The following MYO9B variants were observed in gnomAD, a reference collection of about 807,000 sequenced individuals.
MYO9B encodes the protein myosin IXB, also known as unconventional myosin-IXb.
Under a neutral mutation model 229.5 loss-of-function variants are expected in MYO9B, and 71 were observed. That is an observed-to-expected ratio of 0.31 (90% CI 0.26 to 0.38). The LOEUF is 0.38. Among genes scored for constraint, MYO9B ranks in the 10% least tolerant of loss-of-function variants. The pLI, the probability that MYO9B is intolerant of heterozygous loss-of-function variation, is 1.00. For synonymous variants in MYO9B, 1,185 were observed against 1,235.8 expected (o/e 0.96, Z 0.86); for missense variants, 2,255 against 2,920.5 (o/e 0.77, Z 5.25).
At chr19:17,094,270 G>C (rs976833198) in intron 1 of MYO9B, among the ~76,000 whole-genome samples, 2 of 147,380 alleles carry the variant, frequency 1.4e-5, no homozygotes, top group South Asian at 4.3e-4. Flanking sequence ...CCCAACCTCA[G>C]GTGATCTGCC....
intron 16 of MYO9B, chr19:17,184,455 C>T (rs2072894891): frequency 5.5e-6 from 1 of 180,478 alleles, no homozygotes; most frequent in Non-Finnish European, 1.2e-5. Context: ...CTGGCTGACA[C>T]ATGATGGTGG....
At chr19:17,188,394 A>T (rs1334434171) in intron 19 of MYO9B, among the ~76,000 whole-genome samples, 42 of 140,200 alleles carry the variant, frequency 3.0e-4, no homozygotes. Flanking sequence ...GAGCCACTGC[A>T]CTCCAGCCTG....
At position 17,212,205 on chromosome 19, in the gene MYO9B, C is replaced by T. The variant is rs2073239395; in HGVS notation, c.6369C>T (p.Ala2123=). Residue 2123 remains alanine (A), a synonymous_variant, in exon 40 of 40, where the codon GCC becomes GCT. Transcript: ENST00000682292. The surrounding 1 kb of genome is among the most constrained non-coding windows in gnomAD (Gnocchi z 5.4). ...GGGCAGACCTGCCAGTGCAGGGCGC[C>T]CTGGAGCCCCTAGAAGAGGATGGCC... ...TPGADLPVQG[A]LEPLEEDGQP... is the part of the protein sequence containing the mutation. 5 of 1,583,034 alleles carry T rather than the reference C, an allele frequency of 3.2e-6. No homozygotes were observed. The highest frequency in any genetic ancestry group is 2.3e-5 in the East Asian group (1 of 42,970).
Position 17,182,019 on chromosome 19 carries a change from C to G in MYO9B, c.2333+979C>G, listed in dbSNP as rs541603756. Among the ~76,000 whole-genome samples the G allele has an allele frequency of 8.0e-4, 121 of 151,556 alleles. 1 individual carries two copies. The highest frequency in any genetic ancestry group is 7.1e-3 in the South Asian group (34 of 4,804). On this transcript the variant is annotated intron_variant, in intron 15 of 39. Coordinates refer to ENST00000682292, the MANE Select transcript of MYO9B (RefSeq NM_004145.4). ...CTTGAACTCTTGACCTCAGGTGATC[C>G]GTCTGTCTTGGCCTCCCAAAGTGCT...
In MYO9B at chr19:17,101,600, C is replaced by T. The variant is rs3745348; in HGVS notation, c.-58-60C>T. 451,426 of 1,407,862 alleles carry T rather than the reference C, an allele frequency of 0.32. 75,986 individuals carry two copies. Among genetic ancestry groups the T allele is most frequent in the African/African-American group, 0.51 (35,449 of 69,024 alleles). The allele number at this position is 1,407,862 out of a possible 1,614,324, so 87.2% of individuals were successfully genotyped here. Reference sequence around the variant, plus strand: ...CTATCTGCCCAGGAGTGGGACTCCACATGCCCCTTAAACTTCCTCCCACCA... The same window carrying T: ...CTATCTGCCCAGGAGTGGGACTCCATATGCCCCTTAAACTTCCTCCCACCA... On this transcript the variant is annotated intron_variant, in intron 1 of 39. Coordinates refer to ENST00000682292, the MANE Select transcript of MYO9B (RefSeq NM_004145.4). The surrounding 1 kb of genome is among the most constrained non-coding windows in gnomAD (Gnocchi z 4.7).
intron 24 of MYO9B, among the ~76,000 whole-genome samples, chr19:17,199,486 A>G (rs1361367045): frequency 2.0e-5 from 3 of 151,942 alleles, no homozygotes; most frequent in Non-Finnish European, 4.4e-5. Flanking sequence ...GCTCTTTATA[A>G]GATAATCCTG....
At chr19:17,185,533 C>G (rs1468680446) in intron 17 of MYO9B, among the ~76,000 whole-genome samples, 2 of 143,176 alleles carry the variant, frequency 1.4e-5, no homozygotes, top group Non-Finnish European at 3.0e-5. Context: ...GCAACAAGAG[C>G]AAGACTGCGT....
chr19:17,098,050 C>G (rs1014965533), intron 1 of MYO9B, among the ~76,000 whole-genome samples: 5 of 150,530 alleles, frequency 3.3e-5, no homozygotes, highest in South Asian at 2.1e-4. Context: ...TCAGAACCCC[C>G]CCCCCCCACC....
At chr19:17,167,158 T>C (rs927881667) in intron 10 of MYO9B, among the ~76,000 whole-genome samples, 12 of 151,928 alleles carry the variant, frequency 7.9e-5, no homozygotes, top group African/African-American at 2.9e-4. Flanking sequence ...ATGAGCGTTG[T>C]CTTTGAGCAT....
chr19:17,101,998 G>A lies in MYO9B; in HGVS notation c.281G>A (p.Arg94Gln), dbSNP rs575789959. The change falls in exon 2 of 40, where the codon CGG (arginine) becomes CAG (glutamine). Residue 94 changes from arginine to glutamine, a missense_variant. Physicochemically the swap from Arg to Gln is conservative, Grantham distance 43. Coordinates refer to ENST00000682292, the MANE Select transcript of MYO9B (RefSeq NM_004145.4). This position sits in a 1 kb window ranked among gnomAD's most constrained non-coding sequence, Gnocchi z 4.7. ...PVHRVLLWPR[R>Q]AQDEHPQEDG... ...CACCGGGTGCTGCTATGGCCCCGGCGGGCACAGGACGAGCACCCTCAGGAG... is the reference window on the plus strand; with the variant it reads ...CACCGGGTGCTGCTATGGCCCCGGCAGGCACAGGACGAGCACCCTCAGGAG... The A allele has an allele frequency of 1.3e-4, 208 of 1,612,978 alleles. 1 individual carries two copies. The South Asian group carries it at 1.7e-3, about 13-fold the overall frequency.
In MYO9B at chr19:17,195,604, G is replaced by T. The variant is rs2073034538; in HGVS notation, c.4046+131G>T. 6 of 1,205,680 alleles carry T rather than the reference G, an allele frequency of 5.0e-6. No homozygotes were observed. The highest frequency in any genetic ancestry group is 6.9e-6 in the Non-Finnish European group (6 of 870,788). 74.7% of individuals were successfully genotyped at this position (1,205,680 alleles called of 1,614,324 possible). On this transcript the variant is annotated intron_variant, in intron 22 of 39. Transcript: ENST00000682292. The surrounding 1 kb of genome is among the most constrained non-coding windows in gnomAD (Gnocchi z 4.5). ...TGGGTGTGCGGGAGGCCTGAGGGAGGAGGACGAGCAGGACATGCTAAAGAC... is the reference window on the plus strand; with the variant it reads ...TGGGTGTGCGGGAGGCCTGAGGGAGTAGGACGAGCAGGACATGCTAAAGAC...
intron 2 of MYO9B, among the ~76,000 whole-genome samples, chr19:17,123,926 C>T (rs951214808): frequency 2.0e-5 from 3 of 152,068 alleles, no homozygotes; most frequent in Non-Finnish European, 4.4e-5. Context: ...CACTTTGTCA[C>T]CCAGGCTGGA....
chr19:17,191,626 AC>A (rs2072986425), intron 20 of MYO9B, among the ~76,000 whole-genome samples: 1 of 151,872 alleles, frequency 6.6e-6, no homozygotes, highest in Admixed American at 6.6e-5. Flanking sequence ...TTACTCAGCC[AC>A]CCTTGTTTAA....
chr19:17,118,762 C>T (rs980184972), intron 2 of MYO9B, among the ~76,000 whole-genome samples: 78 of 152,292 alleles, frequency 5.1e-4, no homozygotes, highest in East Asian at 1.9e-4. Flanking sequence ...CCTGGGATCA[C>T]AGGCGTGAGC....
intron 2 of MYO9B, among the ~76,000 whole-genome samples, chr19:17,126,911 A>ACCCCCC (rs1568263286): frequency 1.0e-3 from 32 of 31,826 alleles, no homozygotes; most frequent in South Asian, 2.7e-3. Flanking sequence ...ATCCACCCCC[A>ACCCCCC]CCCCCACCCC....
At chr19:17,210,955 C>A in intron 38 of MYO9B, 107 bp downstream of exon 38, 2 of 1,156,980 alleles carry the variant, frequency 1.7e-6, no homozygotes, top group Non-Finnish European at 2.4e-6. Context: ...GTCCTGTCAT[C>A]CCTAACACTG....
At chr19:17,139,798 T>C (rs925772485) in intron 2 of MYO9B, among the ~76,000 whole-genome samples, 1 of 151,934 alleles carries the variant, frequency 6.6e-6, no homozygotes, top group African/African-American at 2.4e-5. Flanking sequence ...TCTCAGCACT[T>C]TGGGAGGCCA....
chr19:17,206,024 C>T lies in MYO9B; in HGVS notation c.5129C>T (p.Ala1710Val). Reference sequence around the variant, plus strand: ...GTAGACAGCCTGACCAGCGACAAGGCCTCGGTGCCCATCGTGCTGGAGAAG... The same window carrying T: ...GTAGACAGCCTGACCAGCGACAAGGTCTCGGTGCCCATCGTGCTGGAGAAG... ...VCVDSLTSDK[A>V]SVPIVLEKLL... The change falls in exon 32 of 40, where the codon GCC becomes GTC. Residue 1710 changes from alanine to valine, a missense_variant. Transcript: ENST00000682292. 1 of 1,608,146 alleles carries T rather than the reference C, an allele frequency of 6.2e-7. No homozygotes were observed. Among genetic ancestry groups the T allele is most frequent in the Non-Finnish European group, 8.5e-7 (1 of 1,176,838 alleles).
chr19:17,200,248 A>G (rs1248926396), intron 24 of MYO9B, 45 bp from the exon 25 acceptor site: 48 of 1,585,766 alleles, frequency 3.0e-5, no homozygotes, highest in Non-Finnish European at 3.7e-5. Flanking sequence ...CCTCACGTCC[A>G]TTTTCATTTC....
Sources: allele counts gnomAD v4.1 joint callset (sites outside exome capture counted in the v4.1 genomes callset), GRCh38; gene constraint gnomAD v4.1.1; non-coding constraint Gnocchi (gnomAD v3.1); transcripts MANE v1.5; gene names NCBI Gene and HGNC (gene_info 2026-07-23, HGNC 2026-07-21).